ITFG1: variants seen among roughly 807,000 people sequenced by gnomAD.
ITFG1 encodes the protein T-cell immunomodulatory protein.
A neutral mutation model predicts 81.8 loss-of-function variants in ITFG1; 34 were observed. The observed-to-expected ratio is 0.42, with a 90% CI of 0.32 to 0.55. ITFG1 has a LOEUF of 0.55. Among genes scored for constraint, ITFG1 ranks in the 20% least tolerant of loss-of-function variants. The pLI is 0.17. For missense variants in ITFG1, 672 were observed against 755.4 expected, an observed-to-expected ratio of 0.89 and a Z score of 1.29; for synonymous variants, 285 against 270.6, an observed-to-expected ratio of 1.05 and a Z score of -0.52.
intron 14 of ITFG1, among the ~76,000 whole-genome samples, chr16:47,207,306 G>A (rs563076929): frequency 3.9e-4 from 59 of 152,178 alleles, no homozygotes; most frequent in Middle Eastern, 3.4e-3. Context: ...GGATGGTCTC[G>A]ATCTCCTGAC....
intron 12 of ITFG1, among the ~76,000 whole-genome samples, chr16:47,257,272 G>A (rs1195692655): frequency 6.6e-6 from 1 of 152,178 alleles, no homozygotes; most frequent in Non-Finnish European, 1.5e-5. Context: ...GAACCAGTTA[G>A]TGAGTCAAGC....
In ITFG1 at chr16:47,403,413, A is replaced by T. The variant is rs570491733; in HGVS notation, c.655+25391T>A. ...CAAAAAGTCATTTTCATTTTTTTTTAAAAAAAAGGAGGTTAGGGGGTGACG... is the reference window on the plus strand; with the variant it reads ...CAAAAAGTCATTTTCATTTTTTTTTTAAAAAAAGGAGGTTAGGGGGTGACG... On this transcript the variant is annotated intron_variant, in intron 6 of 17. Transcript: ENST00000320640. Among the ~76,000 whole-genome samples the T allele has an allele frequency of 4.6e-4, 69 of 151,414 alleles. No homozygotes were observed. In the East Asian group the frequency reaches 5.8e-3, roughly 13 times the overall value.
chr16:47,345,934 ATACAATACTACTAGGAGACT>A (rs1967848367), intron 8 of ITFG1, among the ~76,000 whole-genome samples: 3 of 152,210 alleles, frequency 2.0e-5, no homozygotes, highest in Admixed American at 2.0e-4. Context: ...GTAAATAGTA[ATACAATACTACTAGGAGACT>A]TCAGTATCCC....
intron 14 of ITFG1, among the ~76,000 whole-genome samples, chr16:47,183,980 G>C (rs868290928): frequency 3.9e-5 from 6 of 152,302 alleles, no homozygotes; most frequent in South Asian, 4.1e-4. Context: ...TCGAGAACTA[G>C]GTGAAGAATG....
intron 8 of ITFG1, among the ~76,000 whole-genome samples, chr16:47,337,026 T>A (rs1223000553): frequency 2.0e-5 from 3 of 147,278 alleles, no homozygotes; most frequent in African/African-American, 7.6e-5. Context: ...GCACATGTAA[T>A]CCCAGCTACT....
intron 14 of ITFG1, among the ~76,000 whole-genome samples, chr16:47,176,155 G>A (rs1965021729): frequency 6.6e-6 from 1 of 151,968 alleles, no homozygotes; most frequent in South Asian, 2.1e-4. Flanking sequence ...CTATGGACTA[G>A]CCTGTGACCT....
intron 5 of ITFG1, among the ~76,000 whole-genome samples, chr16:47,438,986 T>C (rs1969208183): frequency 6.6e-6 from 1 of 152,018 alleles, no homozygotes. Context: ...AGAGAAGCCC[T>C]TAAAGGACCT....
At chr16:47,440,920 C>G (rs1419683152) in intron 5 of ITFG1, among the ~76,000 whole-genome samples, 3 of 152,018 alleles carry the variant, frequency 2.0e-5, no homozygotes, top group Non-Finnish European at 4.4e-5. Flanking sequence ...AAAAGATCAA[C>G]AAAACTGATA....
intron 8 of ITFG1, among the ~76,000 whole-genome samples, chr16:47,343,709 T>C (rs554337875): frequency 6.6e-5 from 10 of 152,174 alleles, no homozygotes; most frequent in Non-Finnish European, 1.2e-4. Context: ...GAAAACACGT[T>C]AGTGATGATG....
intron 8 of ITFG1, among the ~76,000 whole-genome samples, chr16:47,331,169 C>T (rs1239533785): frequency 1.3e-5 from 2 of 152,040 alleles, no homozygotes; most frequent in Non-Finnish European, 2.9e-5. Context: ...TCTGCAGCAG[C>T]GTAAATGCAG....
chr16:47,454,309 A>G, intron 2 of ITFG1, 151 bp from the exon 3 acceptor site: 2 of 692,846 alleles, frequency 2.9e-6, no homozygotes, highest in East Asian at 2.6e-5. Flanking sequence ...TTCATCCATC[A>G]TGTATTTAGA....
chr16:47,174,823 C>A (rs1965005234), intron 14 of ITFG1, among the ~76,000 whole-genome samples: 1 of 152,128 alleles, frequency 6.6e-6, no homozygotes, highest in Non-Finnish European at 1.5e-5. Flanking sequence ...CCCGGCCTCT[C>A]TGAAAGGTTT....
At chr16:47,257,948 C>A (rs898857103) in intron 12 of ITFG1, among the ~76,000 whole-genome samples, 1 of 152,156 alleles carries the variant, frequency 6.6e-6, no homozygotes, top group African/African-American at 2.4e-5. Flanking sequence ...AATAGAGAAT[C>A]ATTATTTGAC....
At chr16:47,407,067 G>A (rs1202326329) in intron 6 of ITFG1, among the ~76,000 whole-genome samples, 1 of 152,150 alleles carries the variant, frequency 6.6e-6, no homozygotes, top group Non-Finnish European at 1.5e-5. Context: ...CTAGTAGGCT[G>A]TTTTAAGGAC....
intron 6 of ITFG1, among the ~76,000 whole-genome samples, chr16:47,412,407 C>A (rs1183732677): frequency 1.3e-5 from 2 of 152,076 alleles, no homozygotes; most frequent in Non-Finnish European, 2.9e-5. Flanking sequence ...AAGAAAAAAA[C>A]AAACTGAACT....
At chr16:47,360,364 T>A (rs1370349348) in intron 8 of ITFG1, among the ~76,000 whole-genome samples, 1 of 152,176 alleles carries the variant, frequency 6.6e-6, no homozygotes, top group Non-Finnish European at 1.5e-5. Flanking sequence ...AACATTCCTC[T>A]GTTTTATTGA....
intron 8 of ITFG1, among the ~76,000 whole-genome samples, chr16:47,346,171 C>T (rs1967852515): frequency 1.3e-5 from 2 of 152,276 alleles, no homozygotes; most frequent in Non-Finnish European, 2.9e-5. Context: ...GAATTCCCTC[C>T]TCCATATGGT....
At chr16:47,218,271 TCA>T (rs1047243507) in intron 14 of ITFG1, 60 of 152,340 alleles carry the variant, frequency 3.9e-4, no homozygotes, top group African/African-American at 1.4e-3. Flanking sequence ...ACTGGAATTA[TCA>T]CAGTTATATT....
intron 12 of ITFG1, among the ~76,000 whole-genome samples, chr16:47,248,040 TTACA>T (rs1367776652): frequency 5.3e-5 from 8 of 151,968 alleles, no homozygotes; most frequent in African/African-American, 1.9e-4. Flanking sequence ...ATATGTAACA[TTACA>T]TACATACTCA....
Sources: allele counts gnomAD v4.1 joint callset (sites outside exome capture counted in the v4.1 genomes callset), GRCh38; gene constraint gnomAD v4.1.1; transcripts MANE v1.5; gene names NCBI Gene and HGNC (gene_info 2026-07-23, HGNC 2026-07-21).